The following SCMH1 variants were observed in gnomAD, a reference collection of about 807,000 sequenced individuals.
SCMH1 encodes the protein polycomb protein SCMH1.
A neutral mutation model predicts 70.8 loss-of-function variants in SCMH1; 37 were observed. The observed-to-expected ratio is 0.52, with a 90% CI of 0.40 to 0.69. The LOEUF (loss-of-function observed/expected upper bound fraction) is 0.69, where lower values mean the gene tolerates loss of function less well. SCMH1 is among the 30% of genes least tolerant of loss of function. SCMH1 has a pLI of 0.00. For missense variants in SCMH1, 607 were observed against 827.3 expected, an observed-to-expected ratio of 0.73 and a Z score of 3.27; for synonymous variants, 292 against 307.4, an observed-to-expected ratio of 0.95 and a Z score of 0.52.
chr1:41,063,726 G>C (rs947143792), intron 10 of SCMH1, among the ~76,000 whole-genome samples: 2 of 152,082 alleles, frequency 1.3e-5, no homozygotes, highest in Admixed American at 6.5e-5. Context: ...TGATAACCTA[G>C]ATGAAATGAA....
intron 6 of SCMH1, among the ~76,000 whole-genome samples, chr1:41,138,178 T>C (rs1394155827): frequency 1.3e-5 from 2 of 152,224 alleles, no homozygotes; most frequent in African/African-American, 2.4e-5. Flanking sequence ...CTTGACTTTC[T>C]TTACCTTGTA....
At chr1:41,170,818 A>G (rs1356142877) in intron 2 of SCMH1, among the ~76,000 whole-genome samples, 1 of 152,202 alleles carries the variant, frequency 6.6e-6, no homozygotes, top group Non-Finnish European at 1.5e-5. Flanking sequence ...CTCCTCATTC[A>G]AATAGGGTGT....
chr1:41,182,003 G>A (rs1480176860), intron 2 of SCMH1, among the ~76,000 whole-genome samples: 1 of 152,158 alleles, frequency 6.6e-6, no homozygotes, highest in Non-Finnish European at 1.5e-5. Context: ...TATACACCAT[G>A]GAATACTATG....
At chr1:41,227,361 C>G (rs1388890393) in intron 1 of SCMH1, among the ~76,000 whole-genome samples, 2 of 152,180 alleles carry the variant, frequency 1.3e-5, no homozygotes, top group African/African-American at 4.8e-5. Context: ...AACAACTGCC[C>G]TTCCATAGTC....
intron 1 of SCMH1, among the ~76,000 whole-genome samples, chr1:41,200,983 T>C (rs1235939090): frequency 6.6e-6 from 1 of 152,182 alleles, no homozygotes; most frequent in Non-Finnish European, 1.5e-5. Context: ...AAGATGTCAA[T>C]GTTACAAGGG....
At chr1:41,221,237 C>T (rs1192332085) in intron 1 of SCMH1, among the ~76,000 whole-genome samples, 1 of 152,030 alleles carries the variant, frequency 6.6e-6, no homozygotes, top group Non-Finnish European at 1.5e-5. Context: ...GTAGTGGTTG[C>T]AGGGGCTGGA....
chr1:41,035,992 T>C (rs1372908924), intron 13 of SCMH1, among the ~76,000 whole-genome samples: 2 of 152,234 alleles, frequency 1.3e-5, no homozygotes, highest in East Asian at 3.8e-4. Context: ...CACCACAATA[T>C]CAAATTCTTC....
chr1:41,053,486 T>C (rs984055286), intron 10 of SCMH1, among the ~76,000 whole-genome samples: 10 of 152,196 alleles, frequency 6.6e-5, no homozygotes, highest in Non-Finnish European at 1.5e-4. Flanking sequence ...GGGAGGTCCA[T>C]TTAAACCAAC....
At chr1:41,193,483 C>T (rs1652226440) in intron 1 of SCMH1, among the ~76,000 whole-genome samples, 2 of 151,786 alleles carry the variant, frequency 1.3e-5, no homozygotes, top group Non-Finnish European at 2.9e-5. Context: ...ATAAAAAGTG[C>T]TCTGGGAAAA....
At chr1:41,100,063 T>A (rs1347876558) in intron 8 of SCMH1, among the ~76,000 whole-genome samples, 1 of 152,178 alleles carries the variant, frequency 6.6e-6, no homozygotes, top group East Asian at 1.9e-4. Flanking sequence ...ACTCTGATTA[T>A]TGATTATATA....
At chr1:41,112,188 G>A (rs989606956) in intron 8 of SCMH1, among the ~76,000 whole-genome samples, 4 of 152,112 alleles carry the variant, frequency 2.6e-5, no homozygotes, top group African/African-American at 9.7e-5. Context: ...CAACTAGAAT[G>A]GAGGTGTCAT....
At chr1:41,089,585 T>C (rs1246675327) in intron 8 of SCMH1, among the ~76,000 whole-genome samples, 1 of 152,162 alleles carries the variant, frequency 6.6e-6, no homozygotes, top group Non-Finnish European at 1.5e-5. Flanking sequence ...TGAACACAGC[T>C]ACCAGAGTGA....
intron 6 of SCMH1, among the ~76,000 whole-genome samples, chr1:41,136,511 C>A (rs1477027243): frequency 4.6e-5 from 7 of 151,468 alleles, no homozygotes; most frequent in Admixed American, 4.6e-4. Flanking sequence ...GTAGCTGGGA[C>A]TACAGGCATG....
At chr1:41,161,335 C>T (rs1423964459) in intron 3 of SCMH1, 29 bp downstream of exon 3, 2 of 1,546,222 alleles carry the variant, frequency 1.3e-6, no homozygotes, top group Non-Finnish European at 1.7e-6. Flanking sequence ...AAAATTTTTC[C>T]ACACCAAACG....
rs377148773 is a variant in SCMH1 at position 41,104,112 on chromosome 1, G to A, written c.745+9171C>T. On this transcript the variant is annotated intron_variant, in intron 8 of 14. Coordinates refer to ENST00000337495, the Ensembl canonical transcript of SCMH1. ...GGATCTTGATTCAGATGCAACTAACGCACAGTGGGCATCTACTACGTGCTA... is the reference window on the plus strand; with the variant it reads ...GGATCTTGATTCAGATGCAACTAACACACAGTGGGCATCTACTACGTGCTA... 1.6e-4 allele frequency among the ~76,000 whole-genome samples: 25 copies of A among 152,112 alleles called. 1 individual carries two copies. The highest frequency in any genetic ancestry group is 1.2e-3 in the East Asian group (6 of 5,192).
intron 1 of SCMH1, among the ~76,000 whole-genome samples, chr1:41,239,837 C>T (rs567084533): frequency 6.6e-6 from 1 of 152,230 alleles, no homozygotes; most frequent in South Asian, 2.1e-4. Flanking sequence ...GGTCTTGCTA[C>T]GTAGCCCAGG....
chr1:41,135,900 T>C (rs1361768564), intron 6 of SCMH1, among the ~76,000 whole-genome samples: 2 of 152,118 alleles, frequency 1.3e-5, no homozygotes, highest in Non-Finnish European at 2.9e-5. Flanking sequence ...AATCTACACA[T>C]GGTGCTTACT....
At chr1:41,169,601 C>T (rs766813438) in intron 2 of SCMH1, among the ~76,000 whole-genome samples, 10 of 152,110 alleles carry the variant, frequency 6.6e-5, no homozygotes, top group Admixed American at 3.9e-4. Flanking sequence ...GTTGTGTGGA[C>T]ATACGCCTAT....
At chr1:41,152,073 C>T (rs942094264) in intron 4 of SCMH1, among the ~76,000 whole-genome samples, 15 of 152,094 alleles carry the variant, frequency 9.9e-5, no homozygotes, top group African/African-American at 3.1e-4. Context: ...GGTCCCTCAC[C>T]GCTGTCAAGT....
Sources: allele counts gnomAD v4.1 joint callset (sites outside exome capture counted in the v4.1 genomes callset), GRCh38; gene constraint gnomAD v4.1.1; transcripts MANE v1.5; gene names NCBI Gene and HGNC (gene_info 2026-07-23, HGNC 2026-07-21).